The following LDLRAD4 variants were observed in gnomAD, a reference collection of about 807,000 sequenced individuals.
The protein encoded by LDLRAD4 is low density lipoprotein receptor class A domain containing 4.
LDLRAD4 carries 5 observed loss-of-function variants against 17.0 expected under a neutral mutation model. The ratio of observed to expected loss-of-function variants is 0.29; its 90% CI spans 0.15 to 0.62. The LOEUF (loss-of-function observed/expected upper bound fraction) is 0.62, where lower values mean the gene tolerates loss of function less well. Ranked by LOEUF, LDLRAD4 falls within the 20% of genes least tolerant of loss-of-function variation. The probability of loss-of-function intolerance (pLI) is 0.84; values close to 1 mark genes in which losing one functional copy is unlikely to be tolerated. For missense variants in LDLRAD4, 340 were observed against 424.7 expected, an observed-to-expected ratio of 0.80 and a Z score of 1.75; for synonymous variants, 168 against 171.8, an observed-to-expected ratio of 0.98 and a Z score of 0.17.
chr18:13,377,750 G>A (rs895459502), intron 1 of LDLRAD4, among the ~76,000 whole-genome samples: 3 of 152,128 alleles, frequency 2.0e-5, no homozygotes, highest in East Asian at 1.9e-4. Context: ...CAAGAGCTTC[G>A]CGAGCGTGAC....
chr18:13,478,134 A>C (rs1206786220), intron 3 of LDLRAD4, among the ~76,000 whole-genome samples: 2 of 152,242 alleles, frequency 1.3e-5, no homozygotes, highest in East Asian at 1.9e-4. Flanking sequence ...CTGAGCTCAG[A>C]GCCCCATCTG....
At chr18:13,269,785 C>T (rs2044422177) in intron 1 of LDLRAD4, among the ~76,000 whole-genome samples, 1 of 152,208 alleles carries the variant, frequency 6.6e-6, no homozygotes, top group Non-Finnish European at 1.5e-5. Flanking sequence ...GTCTCATTCT[C>T]AAACTCAGTG....
upstream of LDLRAD4, among the ~76,000 whole-genome samples, chr18:13,275,984 C>T (rs906429489): frequency 6.6e-6 from 1 of 152,116 alleles, no homozygotes; most frequent in African/African-American, 2.4e-5. Flanking sequence ...TATTATGTAA[C>T]CCATATTTAA....
chr18:13,227,466 A>T (rs2041867819), intron 1 of LDLRAD4, among the ~76,000 whole-genome samples: 2 of 152,170 alleles, frequency 1.3e-5, no homozygotes, highest in Non-Finnish European at 2.9e-5. Flanking sequence ...CAAGGTGCTC[A>T]CCTGCTCTTT....
intron 1 of LDLRAD4, among the ~76,000 whole-genome samples, chr18:13,322,569 C>G (rs544680367): frequency 1.7e-4 from 25 of 151,004 alleles, no homozygotes; most frequent in Admixed American, 5.3e-4. Context: ...CAAAGTGCCT[C>G]CCAAAGTGGC....
chr18:13,464,343 T>C (rs2092545034), intron 3 of LDLRAD4, among the ~76,000 whole-genome samples: 1 of 152,246 alleles, frequency 6.6e-6, no homozygotes, highest in African/African-American at 2.4e-5. Context: ...TGCTTTAAAC[T>C]GTGTTGTGAG....
At chr18:13,433,679 C>T (rs1301591296) in intron 2 of LDLRAD4, among the ~76,000 whole-genome samples, 2 of 151,340 alleles carry the variant, frequency 1.3e-5, no homozygotes, top group Admixed American at 1.3e-4. Flanking sequence ...AGCTACTGGT[C>T]CTTAAAATTT....
At chr18:13,390,363 A>C (rs1202612106) in intron 2 of LDLRAD4, among the ~76,000 whole-genome samples, 1 of 152,232 alleles carries the variant, frequency 6.6e-6, no homozygotes, top group Non-Finnish European at 1.5e-5. Flanking sequence ...CGCGCGGGGC[A>C]CACTCAGTGC....
intron 2 of LDLRAD4, among the ~76,000 whole-genome samples, chr18:13,414,117 C>T (rs1169835869): frequency 6.6e-6 from 1 of 152,356 alleles, no homozygotes; most frequent in Admixed American, 6.5e-5. Context: ...CTACCTCATG[C>T]CTCGTTTTGT....
intron 1 of LDLRAD4, among the ~76,000 whole-genome samples, chr18:13,312,201 G>A (rs2047277633): frequency 6.6e-6 from 1 of 152,106 alleles, no homozygotes; most frequent in African/African-American, 2.4e-5. Flanking sequence ...GTGCCGGGTG[G>A]CAGTTTAAAC....
chr18:13,449,956 C>T (rs1016635703), intron 3 of LDLRAD4, among the ~76,000 whole-genome samples: 5 of 152,158 alleles, frequency 3.3e-5, no homozygotes, highest in Admixed American at 6.5e-5. Context: ...CCTTCCATCA[C>T]GGGATGTAAG....
chr18:13,611,609 T>C, intron 3 of LDLRAD4: 1 of 985,426 alleles, frequency 1.0e-6, no homozygotes, highest in African/African-American at 1.7e-5. Context: ...GCTTTCATGT[T>C]TGAATTGCCT....
At chr18:13,411,754 T>C (rs187199840) in intron 2 of LDLRAD4, among the ~76,000 whole-genome samples, 1 of 152,378 alleles carries the variant, frequency 6.6e-6, no homozygotes, top group Non-Finnish European at 1.5e-5. Flanking sequence ...GTCCCTGTTA[T>C]GTCTTTATTA....
chr18:13,548,591 G>A (rs2094397496), intron 3 of LDLRAD4, among the ~76,000 whole-genome samples: 1 of 152,254 alleles, frequency 6.6e-6, no homozygotes, highest in Non-Finnish European at 1.5e-5. Flanking sequence ...CTGGGAGTGG[G>A]GAGAGGCCAG....
chr18:13,280,498 G>C (rs1010240458), intron 1 of LDLRAD4, among the ~76,000 whole-genome samples: 3 of 152,212 alleles, frequency 2.0e-5, no homozygotes, highest in African/African-American at 7.2e-5. Flanking sequence ...AATAGCAGAG[G>C]TCCTGCTCTC....
intron 1 of LDLRAD4, among the ~76,000 whole-genome samples, chr18:13,356,953 G>A (rs770022170): frequency 4.6e-5 from 7 of 152,112 alleles, no homozygotes; most frequent in Admixed American, 1.3e-4. Context: ...GGCCAACATC[G>A]TGAAATCTTG....
chr18:13,354,857 T>C (rs2083246402), intron 1 of LDLRAD4, among the ~76,000 whole-genome samples: 1 of 152,252 alleles, frequency 6.6e-6, no homozygotes, highest in South Asian at 2.1e-4. Flanking sequence ...CATTGAGTCC[T>C]CTGGCAGCTT....
chr18:13,345,678 T>G (rs2082640466), intron 1 of LDLRAD4, among the ~76,000 whole-genome samples: 1 of 152,222 alleles, frequency 6.6e-6, no homozygotes, highest in African/African-American at 2.4e-5. Flanking sequence ...TCCTTGTACC[T>G]CTGGTAGAAT....
chr18:13,378,392 C>T (rs1337245421), intron 1 of LDLRAD4, among the ~76,000 whole-genome samples: 1 of 152,104 alleles, frequency 6.6e-6, no homozygotes. Context: ...TGCCATCTTT[C>T]GTTCTCAGGG....
Sources: gnomAD v4.1 joint callset for allele counts (sites outside exome capture counted in the v4.1 genomes callset) on GRCh38, gnomAD v4.1.1 for gene constraint, MANE v1.5 for transcripts, NCBI Gene and HGNC (gene_info 2026-07-23, HGNC 2026-07-21) for gene names.